Variants in C3orf20 observed in about 807,000 individuals in gnomAD.
C3orf20 encodes family with sequence similarity 149 member C.
C3orf20 carries 76 observed loss-of-function variants against 88.3 expected under a neutral mutation model. That is an observed-to-expected ratio of 0.86 (90% CI 0.72 to 1.04). The LOEUF (loss-of-function observed/expected upper bound fraction) is 1.04. Ranked by LOEUF, C3orf20 falls within the 50% of genes least tolerant of loss-of-function variation. The pLI is 0.00. For missense variants in C3orf20, 1,056 were observed against 1,123.3 expected, an observed-to-expected ratio of 0.94 and a Z score of 0.86; for synonymous variants, 436 against 437.4, an observed-to-expected ratio of 1.00 and a Z score of 0.04.
chr3:14,714,919 G>C (rs1382029406), intron 8 of C3orf20, among the ~76,000 whole-genome samples: 1 of 152,166 alleles, frequency 6.6e-6, no homozygotes, highest in East Asian at 1.9e-4. Context: ...GCCTGGCTTT[G>C]CCTGGCTTTT....
chr3:14,730,629 G>A (rs2034513841), intron 12 of C3orf20, among the ~76,000 whole-genome samples: 1 of 152,208 alleles, frequency 6.6e-6, no homozygotes, highest in Admixed American at 6.5e-5. Flanking sequence ...GGTTGTTTAG[G>A]TAGTAGCAAA....
chr3:14,741,221 CAGAT>C (rs772343257), intron 12 of C3orf20, among the ~76,000 whole-genome samples: 71 of 152,208 alleles, frequency 4.7e-4, no homozygotes, highest in Non-Finnish European at 7.1e-4. Flanking sequence ...CTTTACTCCT[CAGAT>C]AGATATAGCT....
intron 12 of C3orf20, among the ~76,000 whole-genome samples, chr3:14,738,233 T>C (rs2034782313): frequency 2.1e-5 from 3 of 142,452 alleles, no homozygotes; most frequent in Admixed American, 1.5e-4. Context: ...AGTGGTGCAA[T>C]CTTGGCTCAC....
intron 9 of C3orf20, among the ~76,000 whole-genome samples, chr3:14,720,082 T>C (rs1227284054): frequency 3.3e-5 from 5 of 151,968 alleles, no homozygotes; most frequent in Non-Finnish European, 7.4e-5. Context: ...TAGGCTGGAG[T>C]GTAGTGGCGT....
At chr3:14,699,299 T>C (rs746696477) in intron 5 of C3orf20, among the ~76,000 whole-genome samples, 3 of 152,158 alleles carry the variant, frequency 2.0e-5, no homozygotes, top group Non-Finnish European at 2.9e-5. Context: ...TACTTTTCCC[T>C]CTGCTTTTCT....
At chr3:14,763,484 A>G (rs922324340) in intron 15 of C3orf20, among the ~76,000 whole-genome samples, 1 of 152,140 alleles carries the variant, frequency 6.6e-6, no homozygotes, top group African/African-American at 2.4e-5. Context: ...CTTACCTCCC[A>G]AAAGCTCTGC....
At chr3:14,677,675 A>G (rs1217666670) in intron 1 of C3orf20, among the ~76,000 whole-genome samples, 1 of 151,650 alleles carries the variant, frequency 6.6e-6, no homozygotes, top group African/African-American at 2.4e-5. Context: ...TACTTTTTGT[A>G]TTTTTACTGG....
At chr3:14,747,646 A>G (rs966476307) in intron 12 of C3orf20, among the ~76,000 whole-genome samples, 4 of 152,186 alleles carry the variant, frequency 2.6e-5, no homozygotes, top group African/African-American at 9.6e-5. Context: ...CTCTTCAGTC[A>G]TCCCACTTTC....
Position 14,772,676 on chromosome 3 carries a change from C to A in C3orf20, c.2631-115C>A, listed in dbSNP as rs541695757. 2.2e-5 allele frequency: 17 copies of A among 770,562 alleles called. No homozygotes were observed. The East Asian group carries it at 4.2e-4, about 19-fold the overall frequency. 47.7% of individuals were successfully genotyped at this position (770,562 alleles called of 1,614,324 possible). A position where few individuals can be genotyped will look rare whatever the true frequency, so the allele number is the denominator to read the frequency against. ...GCCCTCTGGTTGGAACAGCACCCAA[C>A]AGCCTCACCTGTGCAAGGGAGAGGG... On this transcript the variant is annotated intron_variant, in intron 16 of 16. Transcript: ENST00000253697. The surrounding 1 kb of genome is among the most constrained non-coding windows in gnomAD (Gnocchi z 4.2).
At chr3:14,691,710 A>G (rs1280267299) in intron 5 of C3orf20, among the ~76,000 whole-genome samples, 3 of 152,240 alleles carry the variant, frequency 2.0e-5, no homozygotes, top group African/African-American at 7.2e-5. Flanking sequence ...AATCACATCA[A>G]GCTAAATGGG....
rs372889451 is a variant in C3orf20 at position 14,690,033 on chromosome 3, C to T, written c.662C>T (p.Ser221Leu). ...AACATGTCCGCCATTGGGGTGAACT[C>T]GCCTTACCAGCTGATCTACCACTCT... is the stretch of plus-strand genomic sequence containing the variant. ...LANMSAIGVNSPYQLIYHSST... is the reference protein window; with the variant it reads ...LANMSAIGVNLPYQLIYHSST... Residue 221 changes from serine to leucine, a missense_variant, in exon 5 of 17, where the codon TCG (serine) becomes TTG (leucine). Coordinates refer to ENST00000253697, the MANE Select transcript of C3orf20 (RefSeq NM_032137.5). The T allele has an allele frequency of 9.3e-6, 15 of 1,614,088 alleles. No individual in the cohort carries two copies. The highest frequency in any genetic ancestry group is 6.7e-5 in the Admixed American group (4 of 60,010).
intron 15 of C3orf20, among the ~76,000 whole-genome samples, chr3:14,767,952 C>CT (rs1428806168): frequency 6.6e-6 from 1 of 152,242 alleles, no homozygotes; most frequent in African/African-American, 2.4e-5. Flanking sequence ...GTCAAGGGCT[C>CT]TGTGAAACGC....
chr3:14,702,313 C>G (rs9866369), intron 5 of C3orf20, among the ~76,000 whole-genome samples: 4 of 151,914 alleles, frequency 2.6e-5, no homozygotes, highest in Non-Finnish European at 5.9e-5. Context: ...CAATTACCTC[C>G]CCCTGGGTCC....
intron 10 of C3orf20, 117 bp downstream of exon 10, chr3:14,721,901 T>C: frequency 7.5e-7 from 1 of 1,329,524 alleles, no homozygotes; most frequent in South Asian, 1.4e-5. Context: ...TGCAAGGCCC[T>C]GCCTTTTCCT....
At chr3:14,705,237 G>T (rs1340358112) in intron 7 of C3orf20, among the ~76,000 whole-genome samples, 1 of 152,254 alleles carries the variant, frequency 6.6e-6, no homozygotes, top group African/African-American at 2.4e-5. Flanking sequence ...GAAAGCTATA[G>T]ACCTTCTCCC....
At chr3:14,761,718 C>G in intron 15 of C3orf20, 103 bp downstream of exon 15, 4 of 843,222 alleles carry the variant, frequency 4.7e-6, no homozygotes, top group Middle Eastern at 3.9e-4. Context: ...GCAGGCGGGG[C>G]TGAAGGGATG....
Position 14,684,307 on chromosome 3 carries a change from G to T in C3orf20, c.550G>T (p.Ala184Ser). The change falls in exon 4 of 17, where the codon GCC becomes TCC. Residue 184 changes from alanine (A) to serine (S), a missense_variant. Ala to Ser is a moderately conservative substitution (Grantham distance 99). Transcript: ENST00000253697. Reference sequence around the variant, plus strand: ...GGCCAGCCAGCTCCTCCACCTCAATGCCAAGGAGATGGCCTTCAACTGCCT... The same window carrying T: ...GGCCAGCCAGCTCCTCCACCTCAATTCCAAGGAGATGGCCTTCAACTGCCT... ...VEASQLLHLNAKEMAFNCLIS... is the reference protein window; with the variant it reads ...VEASQLLHLNSKEMAFNCLIS... The T allele has an allele frequency of 6.2e-7, 1 of 1,614,206 alleles. No individual in the cohort carries two copies. Among genetic ancestry groups the T allele is most frequent in the African/African-American group, 1.3e-5 (1 of 75,050 alleles).
intron 14 of C3orf20, 97 bp downstream of exon 14, chr3:14,760,095 G>C: frequency 1.1e-6 from 1 of 916,194 alleles, no homozygotes. Flanking sequence ...GAGGAGAGAG[G>C]AGAAGAAGGG....
At chr3:14,690,933 C>T (rs554223733) in intron 5 of C3orf20, among the ~76,000 whole-genome samples, 48 of 152,326 alleles carry the variant, frequency 3.2e-4, no homozygotes, top group Admixed American at 2.7e-3. Flanking sequence ...CCTCCGTGCC[C>T]CAGCCCCTGG....
Sources: allele counts gnomAD v4.1 joint callset (sites outside exome capture counted in the v4.1 genomes callset), GRCh38; gene constraint gnomAD v4.1.1; non-coding constraint Gnocchi (gnomAD v3.1); transcripts MANE v1.5; gene names NCBI Gene and HGNC (gene_info 2026-07-23, HGNC 2026-07-21).